RAB33A: variants seen among roughly 807,000 people sequenced by gnomAD.
RAB33A encodes the protein ras-related protein Rab-33A.
A neutral mutation model predicts 12.0 loss-of-function variants in RAB33A; 6 were observed. That is an observed-to-expected ratio of 0.50 (90% CI 0.27 to 0.99). RAB33A has a LOEUF of 0.99. Among genes scored for constraint, RAB33A ranks in the 50% least tolerant of loss-of-function variants. The pLI, the probability that RAB33A is intolerant of heterozygous loss-of-function variation, is 0.11. For synonymous variants in RAB33A, 70 were observed against 82.4 expected (o/e 0.85, Z 0.81); for missense variants, 109 against 192.0 (o/e 0.57, Z 2.55).
chrX:130,144,508 C>T, the RAB33A span, among the ~76,000 whole-genome samples: 1 of 111,323 alleles, frequency 9.0e-6, no homozygotes, highest in Admixed American at 9.6e-5. Context: ...TTTTTTGTGC[C>T]CTTGTGCTTT....
At chrX:130,165,626 C>T in the RAB33A span, 3 of 1,200,978 alleles carry the variant, frequency 2.5e-6, no homozygotes, top group Non-Finnish European at 3.4e-6. Context: ...TGCTTCAAAG[C>T]ACCCGCCGCC....
chrX:130,137,309 G>A, the RAB33A span: 14 of 1,182,674 alleles, frequency 1.2e-5, no homozygotes, highest in East Asian at 1.2e-4. Context: ...AATCCAGGCC[G>A]AGCGCCCACT....
At chrX:130,138,326 G>A in the RAB33A span, among the ~76,000 whole-genome samples, 6 of 110,719 alleles carry the variant, frequency 5.4e-5, no homozygotes, top group South Asian at 7.7e-4. Flanking sequence ...TTAGCCAGGC[G>A]TGGTTACAGG....
the RAB33A span, among the ~76,000 whole-genome samples, chrX:130,160,920 T>C: frequency 9.4e-6 from 1 of 106,058 alleles, no homozygotes; most frequent in Non-Finnish European, 1.9e-5. Context: ...ATAAATAAAA[T>C]GAAAAAATAA....
At chrX:130,121,188 TC>T in the RAB33A span, among the ~76,000 whole-genome samples, 1 of 111,485 alleles carries the variant, frequency 9.0e-6, no homozygotes, top group Non-Finnish European at 1.9e-5. Flanking sequence ...ATGAGACTCT[TC>T]CCCGGTCCCC....
Position 130,171,983 on chromosome X carries a change from G to T in RAB33A, c.-80G>T. The T allele has an allele frequency of 9.5e-7, 1 of 1,053,081 alleles. No individual in the cohort carries two copies. The highest frequency in any genetic ancestry group is 2.3e-5 in the South Asian group (1 of 44,179). 86.8% of individuals were successfully genotyped at this position (1,053,081 alleles called of 1,213,427 possible). A position where few individuals can be genotyped will look rare whatever the true frequency, so the allele number is the denominator to read the frequency against. On this transcript the variant is annotated 5_prime_UTR_variant, in exon 1 of 2. Coordinates refer to ENST00000257017, the MANE Select transcript of RAB33A (RefSeq NM_004794.3). The stretch of plus-strand genomic sequence containing the variant: ...ACACACACACGCACAGAGCTCGCTC[G>T]CCTCGAGCGCACGAACGTGGACGTT...
the RAB33A span, chrX:130,165,710 G>A: frequency 9.6e-7 from 1 of 1,037,630 alleles, no homozygotes; most frequent in Non-Finnish European, 1.3e-6. Flanking sequence ...ACGCACGACC[G>A]ACGGGTCAAA....
the RAB33A span, among the ~76,000 whole-genome samples, chrX:130,161,181 T>C: frequency 9.0e-6 from 1 of 111,152 alleles, no homozygotes; most frequent in Admixed American, 9.6e-5. Flanking sequence ...TCTTGAGACT[T>C]GTTTCCTGAG....
At chrX:130,136,713 G>C in the RAB33A span, 1 of 1,209,136 alleles carries the variant, frequency 8.3e-7, no homozygotes, top group Non-Finnish European at 1.1e-6. Context: ...AATAGCATTG[G>C]GCATCACCTT....
rs916390438 is a variant in RAB33A, at chrX:130,172,468, C to G, written c.258+148C>G. 3 of 749,912 alleles carry G rather than the reference C, an allele frequency of 4.0e-6. No homozygotes were observed. In the East Asian group the frequency reaches 1.1e-4, roughly 27 times the overall value. 61.8% of individuals were successfully genotyped at this position (749,912 alleles called of 1,213,427 possible). A position where few individuals can be genotyped will look rare whatever the true frequency, so the allele number is the denominator to read the frequency against. On this transcript the variant is annotated intron_variant, in intron 1 of 1. Transcript: ENST00000257017. ...GAGGACCCTCGGCTCCTCCTCACCC[C>G]TTTTCACCTCTCTCAGCGGGGCCCC...
chrX:130,131,467 G>C, the RAB33A span, among the ~76,000 whole-genome samples: 3 of 112,316 alleles, frequency 2.7e-5, no homozygotes, highest in Non-Finnish European at 5.6e-5. Flanking sequence ...CACAATATTT[G>C]AATCTATGCT....
At chrX:130,169,058 A>C (rs1219891287), upstream of RAB33A, among the ~76,000 whole-genome samples, 2 of 109,848 alleles carry the variant, frequency 1.8e-5, no homozygotes, top group Non-Finnish European at 1.9e-5. Context: ...ATACAAAAAA[A>C]TTAGCCAGGC....
upstream of RAB33A, among the ~76,000 whole-genome samples, chrX:130,168,283 C>T (rs1459687023): frequency 9.5e-6 from 1 of 105,194 alleles, no homozygotes; most frequent in Non-Finnish European, 1.9e-5. Flanking sequence ...GGCAGTATCT[C>T]GGCTCACTGC....
intron 1 of RAB33A, among the ~76,000 whole-genome samples, chrX:130,179,461 A>G (rs1280102404): frequency 1.8e-5 from 2 of 108,953 alleles, no homozygotes; most frequent in Non-Finnish European, 3.8e-5. Context: ...GGCAAAAGGC[A>G]AGAGTGAAGA....
the RAB33A span, among the ~76,000 whole-genome samples, chrX:130,123,884 A>T: frequency 9.0e-6 from 1 of 110,611 alleles, no homozygotes; most frequent in South Asian, 3.8e-4. Context: ...TTCCAAAGTG[A>T]TGACAGAGAA....
the RAB33A span, among the ~76,000 whole-genome samples, chrX:130,146,451 ATGTGTGTGTGTGTGTGTG>A: frequency 6.7e-5 from 6 of 89,429 alleles, no homozygotes; most frequent in Non-Finnish European, 8.8e-5. Context: ...CTCTCAAAAT[ATGTGTGTGTGTGTGTGTG>A]TGTGTGTGTG....
At chrX:130,115,522 AGAATCACTT>A in the RAB33A span, among the ~76,000 whole-genome samples, 1 of 111,236 alleles carries the variant, frequency 9.0e-6, no homozygotes, top group African/African-American at 3.3e-5. Context: ...CTGAGGCAGG[AGAATCACTT>A]GAACCCGGGA....
the RAB33A span, among the ~76,000 whole-genome samples, chrX:130,123,812 A>G: frequency 9.0e-6 from 1 of 110,808 alleles, no homozygotes; most frequent in East Asian, 2.8e-4. Flanking sequence ...GAAGATGTGT[A>G]ATCTCTGGGT....
At chrX:130,159,173 G>T in the RAB33A span, among the ~76,000 whole-genome samples, 1 of 111,728 alleles carries the variant, frequency 9.0e-6, no homozygotes. Context: ...TCCAGTTCAG[G>T]TCAGGTTTTA....
Sources: allele counts gnomAD v4.1 joint callset (sites outside exome capture counted in the v4.1 genomes callset), GRCh38; gene constraint gnomAD v4.1.1; transcripts MANE v1.5; gene names NCBI Gene and HGNC (gene_info 2026-07-23, HGNC 2026-07-21).